The following VSTM2B variants were observed in gnomAD, a reference collection of about 807,000 sequenced individuals.
VSTM2B encodes the protein V-set and transmembrane domain containing 2B.
VSTM2B carries 24 observed loss-of-function variants against 24.0 expected under a neutral mutation model. That is an observed-to-expected ratio of 1.00 (90% confidence interval 0.72 to 1.40). VSTM2B has a LOEUF of 1.40. VSTM2B is among the 40% of genes most tolerant of loss of function. The pLI is 0.00. For synonymous variants in VSTM2B, 226 were observed against 194.4 expected (o/e 1.16, Z -1.35); for missense variants, 399 against 416.4 (o/e 0.96, Z 0.36).
intron 4 of VSTM2B, among the ~76,000 whole-genome samples, chr19:29,563,459 T>A (rs1327815601): frequency 3.9e-5 from 6 of 151,962 alleles, no homozygotes; most frequent in African/African-American, 1.4e-4. Context: ...CCCAGGCTGG[T>A]CTCAAGCTCC....
intron 4 of VSTM2B, among the ~76,000 whole-genome samples, chr19:29,544,225 G>A (rs1342393881): frequency 6.6e-6 from 1 of 151,590 alleles, no homozygotes; most frequent in African/African-American, 2.4e-5. Flanking sequence ...ATTTGAAGTG[G>A]CTTATAAAAC....
At chr19:29,545,905 G>C (rs1462807393) in intron 4 of VSTM2B, among the ~76,000 whole-genome samples, 1 of 152,158 alleles carries the variant, frequency 6.6e-6, no homozygotes, top group African/African-American at 2.4e-5. Context: ...CGGCACTCTG[G>C]GCAGCCACGT....
Position 29,551,067 on chromosome 19 carries a change from G to A in VSTM2B, c.770-12779G>A, listed in dbSNP as rs73029472. Among the ~76,000 whole-genome samples the A allele has an allele frequency of 6.7e-3, 1,016 of 152,364 alleles. 5 individuals carry two copies. Among genetic ancestry groups the A allele is most frequent in the Non-Finnish European group, 9.6e-3 (652 of 68,020 alleles). Reference sequence around the variant, plus strand: ...ATCCATACTTCTAGAAACATGGGCAGCAGTGGCTGCCCTGGCGAGCTGTGC... The same window carrying A: ...ATCCATACTTCTAGAAACATGGGCAACAGTGGCTGCCCTGGCGAGCTGTGC... On this transcript the variant is annotated intron_variant, in intron 4 of 4. Transcript: ENST00000335523.
At chr19:29,533,436 A>G (rs1323151259) in intron 4 of VSTM2B, among the ~76,000 whole-genome samples, 2 of 152,124 alleles carry the variant, frequency 1.3e-5, no homozygotes, top group Non-Finnish European at 2.9e-5. Flanking sequence ...GACACATCTC[A>G]GAAAGAACCT....
intron 4 of VSTM2B, among the ~76,000 whole-genome samples, chr19:29,538,626 G>C (rs753271617): frequency 6.6e-5 from 10 of 152,174 alleles, no homozygotes; most frequent in Non-Finnish European, 1.3e-4. Context: ...TCACAGTTCT[G>C]CAGGCTGTGC....
intron 4 of VSTM2B, among the ~76,000 whole-genome samples, chr19:29,547,542 G>A (rs1320829778): frequency 6.6e-6 from 1 of 152,196 alleles, no homozygotes; most frequent in Non-Finnish European, 1.5e-5. Context: ...CAATTGCCAT[G>A]TCCTGGTTTT....
intron 4 of VSTM2B, among the ~76,000 whole-genome samples, chr19:29,535,240 AAGAG>A (rs979586436): frequency 6.6e-6 from 1 of 152,094 alleles, no homozygotes; most frequent in East Asian, 1.9e-4. Flanking sequence ...ATTTCTAGAA[AAGAG>A]AGAGAGAGAC....
intron 4 of VSTM2B, among the ~76,000 whole-genome samples, chr19:29,533,871 C>T (rs888101902): frequency 1.3e-5 from 2 of 152,260 alleles, no homozygotes; most frequent in African/African-American, 4.8e-5. Flanking sequence ...TGCTCGGAAC[C>T]ACAGCAGCCT....
intron 4 of VSTM2B, among the ~76,000 whole-genome samples, chr19:29,547,384 G>A (rs563611756): frequency 1.4e-4 from 22 of 152,166 alleles, no homozygotes; most frequent in African/African-American, 4.1e-4. Flanking sequence ...TGAATTTAAC[G>A]TAGGTCACAT....
chr19:29,562,643 T>G (rs1383331978), intron 4 of VSTM2B, among the ~76,000 whole-genome samples: 2 of 151,580 alleles, frequency 1.3e-5, no homozygotes, highest in African/African-American at 2.4e-5. Context: ...CCCCCGGGGG[T>G]TTTGGCAGCA....
At chr19:29,528,046 A>G (rs1278959374) in intron 2 of VSTM2B, among the ~76,000 whole-genome samples, 2 of 152,182 alleles carry the variant, frequency 1.3e-5, no homozygotes, top group Non-Finnish European at 2.9e-5. Context: ...GGTGCTGTCC[A>G]GACACAGCGG....
intron 4 of VSTM2B, among the ~76,000 whole-genome samples, chr19:29,546,656 G>A (rs912755802): frequency 3.9e-5 from 6 of 152,108 alleles, no homozygotes; most frequent in African/African-American, 4.8e-5. Context: ...CAGCCTCGCC[G>A]TCCCCGCTGG....
At chr19:29,532,807 C>G (rs1024835466) in intron 4 of VSTM2B, among the ~76,000 whole-genome samples, 3 of 152,220 alleles carry the variant, frequency 2.0e-5, no homozygotes, top group Non-Finnish European at 4.4e-5. Context: ...CAGTTGGAAG[C>G]CAGGCTATGG....
At chr19:29,549,966 G>T (rs1236856353) in intron 4 of VSTM2B, among the ~76,000 whole-genome samples, 2 of 152,264 alleles carry the variant, frequency 1.3e-5, no homozygotes, top group Non-Finnish European at 2.9e-5. Flanking sequence ...GGATGTTCAA[G>T]TCCAGCCCAT....
intron 4 of VSTM2B, among the ~76,000 whole-genome samples, chr19:29,556,377 A>G (rs185991461): frequency 6.6e-6 from 1 of 152,210 alleles, no homozygotes; most frequent in Non-Finnish European, 1.5e-5. Flanking sequence ...TATTGATGGA[A>G]CATACCTCAA....
At chr19:29,546,239 C>T (rs961259113) in intron 4 of VSTM2B, among the ~76,000 whole-genome samples, 1 of 152,166 alleles carries the variant, frequency 6.6e-6, no homozygotes. Flanking sequence ...GTGCATGCAG[C>T]CCCCAGCGCA....
chr19:29,530,022 GAGCAGC>G lies in VSTM2B; in HGVS notation c.502_507del (p.Ser168_Ser169del). ...CCGCCGAGGCCGTGTCCCACATCCAGAGCAGCGGCCCGCGTCGCCACGGCCCAGCCA... is the reference window on the plus strand; with the variant it reads ...CCGCCGAGGCCGTGTCCCACATCCAGGGCCCGCGTCGCCACGGCCCAGCCA... On this transcript the variant is annotated inframe_deletion, in exon 4 of 5. Transcript: ENST00000335523. The G allele has an allele frequency of 6.5e-7, 1 of 1,533,034 alleles. No homozygotes were observed. Among genetic ancestry groups the G allele is most frequent in the Non-Finnish European group, 8.7e-7 (1 of 1,144,082 alleles). The allele number at this position is 1,533,034 out of a possible 1,614,324, so 95.0% of individuals were successfully genotyped here.
intron 4 of VSTM2B, among the ~76,000 whole-genome samples, chr19:29,554,212 T>C (rs1297604464): frequency 6.6e-6 from 1 of 152,228 alleles, no homozygotes; most frequent in Non-Finnish European, 1.5e-5. Flanking sequence ...CCCATTATAC[T>C]AATGGTGGAC....
chr19:29,530,322 G>T, intron 4 of VSTM2B, 32 bp downstream of exon 4: 3 of 1,472,914 alleles, frequency 2.0e-6, no homozygotes, highest in Admixed American at 2.4e-5. Flanking sequence ...GCGCACGCGC[G>T]GGGATGGCGC....
Sources: allele counts gnomAD v4.1 joint callset (sites outside exome capture counted in the v4.1 genomes callset), GRCh38; gene constraint gnomAD v4.1.1; transcripts MANE v1.5; gene names NCBI Gene and HGNC (gene_info 2026-07-23, HGNC 2026-07-21).